Variants in CYYR1 observed in about 807,000 individuals in gnomAD.
CYYR1 encodes cysteine and tyrosine rich 1.
Under a neutral mutation model 15.2 loss-of-function variants are expected in CYYR1, and 14 were observed. The observed-to-expected ratio is 0.92, with a 90% CI of 0.61 to 1.44. CYYR1 has a LOEUF of 1.44. CYYR1 is among the 40% of genes most tolerant of loss of function. CYYR1 has a pLI of 0.00. For missense variants in CYYR1, 228 were observed against 209.5 expected (o/e 1.09, Z -0.54); for synonymous variants, 80 against 77.4 (o/e 1.03, Z -0.18).
At chr21:26,564,860 T>G in intron 2 of CYYR1, 1 of 1,149,612 alleles carries the variant, frequency 8.7e-7, no homozygotes, top group Non-Finnish European at 1.1e-6. Context: ...AAAAAAAAAT[T>G]TAAATTTATT....
At chr21:26,473,264 T>C (rs2065058847) in intron 3 of CYYR1, among the ~76,000 whole-genome samples, 2 of 151,912 alleles carry the variant, frequency 1.3e-5, no homozygotes, top group African/African-American at 4.8e-5. Flanking sequence ...CTACTCACAA[T>C]TTTCCTTAAC....
At position 26,566,157 on chromosome 21, in the gene CYYR1, A is replaced by G. The variant is rs1027994557; in HGVS notation, c.176+109T>C. On this transcript the variant is annotated intron_variant, in intron 2 of 3. Transcript: ENST00000652641. ...AGTAAAGATTTCATGTCAATAACCA[A>G]TCTTGAAATCTCTTGCCCACAACTA... 16 of 734,062 alleles carry G rather than the reference A, an allele frequency of 2.2e-5. No individual in the cohort carries two copies. The Admixed American group carries it at 2.3e-4, about 10-fold the overall frequency. 45.5% of individuals were successfully genotyped at this position (734,062 alleles called of 1,614,324 possible). A position where few individuals can be genotyped will look rare whatever the true frequency, so the allele number is the denominator to read the frequency against.
At chr21:26,532,402 A>G (rs1312020707) in intron 2 of CYYR1, among the ~76,000 whole-genome samples, 2 of 152,170 alleles carry the variant, frequency 1.3e-5, no homozygotes, top group African/African-American at 4.8e-5. Flanking sequence ...GACAAAAGCT[A>G]TTGTTAAGGA....
intron 2 of CYYR1, among the ~76,000 whole-genome samples, chr21:26,527,673 G>A (rs1170602617): frequency 6.6e-6 from 1 of 152,046 alleles, no homozygotes; most frequent in South Asian, 2.1e-4. Flanking sequence ...CATATATAAA[G>A]AAAGCTCAGC....
chr21:26,472,282 T>G (rs2065044809), intron 3 of CYYR1, among the ~76,000 whole-genome samples: 1 of 152,194 alleles, frequency 6.6e-6, no homozygotes, highest in Non-Finnish European at 1.5e-5. Flanking sequence ...GAGGTTAATT[T>G]TTTATTATAA....
At chr21:26,501,985 T>A (rs529222830) in intron 2 of CYYR1, among the ~76,000 whole-genome samples, 68 of 152,262 alleles carry the variant, frequency 4.5e-4, no homozygotes, top group African/African-American at 1.5e-3. Context: ...AAAAGAAATA[T>A]GAATAATATC....
chr21:26,490,340 C>T (rs571368814), intron 2 of CYYR1, among the ~76,000 whole-genome samples: 4 of 151,814 alleles, frequency 2.6e-5, no homozygotes, highest in South Asian at 2.1e-4. Context: ...AGCATCACTA[C>T]GTGCTAGCAC....
chr21:26,515,119 G>A (rs1463550085), intron 2 of CYYR1, among the ~76,000 whole-genome samples: 1 of 152,122 alleles, frequency 6.6e-6, no homozygotes, highest in East Asian at 1.9e-4. Context: ...TGTGTCCTAT[G>A]TGCCAACAGG....
At chr21:26,476,829 T>TA (rs1312571899) in intron 3 of CYYR1, among the ~76,000 whole-genome samples, 1 of 151,660 alleles carries the variant, frequency 6.6e-6, no homozygotes, top group Admixed American at 6.6e-5. Flanking sequence ...AACCTGCTTT[T>TA]AAAAAAAAGG....
chr21:26,500,293 C>A (rs1016870186), intron 2 of CYYR1, among the ~76,000 whole-genome samples: 8 of 152,184 alleles, frequency 5.3e-5, no homozygotes, highest in Non-Finnish European at 8.8e-5. Flanking sequence ...CACAAACATT[C>A]AGTCCATAAC....
intron 2 of CYYR1, among the ~76,000 whole-genome samples, chr21:26,544,638 G>A (rs1405179930): frequency 1.3e-5 from 2 of 152,178 alleles, no homozygotes; most frequent in African/African-American, 4.8e-5. Context: ...TGGTGACCCT[G>A]AAGAAACACG....
intron 2 of CYYR1, chr21:26,550,408 G>A (rs1031030842): frequency 1.4e-4 from 21 of 152,142 alleles, no homozygotes; most frequent in Non-Finnish European, 3.1e-4. Flanking sequence ...GAAAGGAAGT[G>A]TAAAATGGTT....
At chr21:26,477,790 G>A (rs2065123478) in intron 3 of CYYR1, 1 of 984,388 alleles carries the variant, frequency 1.0e-6, no homozygotes, top group Admixed American at 6.2e-5. Flanking sequence ...TTTCTCTTGG[G>A]TTATGGTTTG....
chr21:26,498,227 AG>A (rs2065433233), intron 2 of CYYR1, among the ~76,000 whole-genome samples: 1 of 152,208 alleles, frequency 6.6e-6, no homozygotes, highest in African/African-American at 2.4e-5. Flanking sequence ...TCTTATTTGA[AG>A]GCCCTATAGC....
intron 3 of CYYR1, chr21:26,478,038 C>T (rs911417106): frequency 6.5e-7 from 1 of 1,545,506 alleles, no homozygotes; most frequent in African/African-American, 1.4e-5. Flanking sequence ...ATCATTCATT[C>T]AGCTGAGTGC....
intron 1 of CYYR1, among the ~76,000 whole-genome samples, chr21:26,567,516 A>G (rs1980716436): frequency 6.6e-6 from 1 of 152,192 alleles, no homozygotes; most frequent in South Asian, 2.1e-4. Context: ...TATGTTTAAC[A>G]AGCAAAGGTT....
chr21:26,488,094 A>G (rs1022502580), intron 2 of CYYR1, among the ~76,000 whole-genome samples: 1 of 150,156 alleles, frequency 6.7e-6, no homozygotes, highest in Non-Finnish European at 1.5e-5. Context: ...CTGGAAACTA[A>G]TATCTCTTTG....
intron 2 of CYYR1, among the ~76,000 whole-genome samples, chr21:26,540,258 A>G (rs1756092347): frequency 6.6e-6 from 1 of 152,188 alleles, no homozygotes; most frequent in Admixed American, 6.6e-5. Flanking sequence ...GAGAAACCCA[A>G]AGCCACCATA....
intron 2 of CYYR1, among the ~76,000 whole-genome samples, chr21:26,541,235 A>T (rs1041362413): frequency 6.6e-6 from 1 of 152,174 alleles, no homozygotes; most frequent in Non-Finnish European, 1.5e-5. Context: ...ATGTTTAAAA[A>T]TTTCCCCCAT....
Sources: allele counts gnomAD v4.1 joint callset (sites outside exome capture counted in the v4.1 genomes callset), GRCh38; gene constraint gnomAD v4.1.1; transcripts MANE v1.5; gene names NCBI Gene and HGNC (gene_info 2026-07-23, HGNC 2026-07-21).